PLD5: variants seen among roughly 807,000 people sequenced by gnomAD.
The protein encoded by PLD5 is inactive phospholipase D5.
A neutral mutation model predicts 61.1 loss-of-function variants in PLD5; 36 were observed. The ratio of observed to expected loss-of-function variants is 0.59; its 90% confidence interval spans 0.45 to 0.78. PLD5 has a LOEUF of 0.78. Ranked by LOEUF, PLD5 falls within the 30% of genes least tolerant of loss-of-function variation. The probability of loss-of-function intolerance (pLI) is 0.00; values close to 1 mark genes in which losing one functional copy is unlikely to be tolerated. For missense variants in PLD5, 515 were observed against 644.4 expected (o/e 0.80, Z 2.17); for synonymous variants, 243 against 242.8 (o/e 1.00, Z -0.01).
Position 242,259,368 on chromosome 1 carries a change from G to A in PLD5, c.607+5969C>T, listed in dbSNP as rs74806131. ...TTTTAAAAAGGATGAAAAAGAGCTTGTAAATTGACAAGGGAAACACATAAG... is the reference window on the plus strand; with the variant it reads ...TTTTAAAAAGGATGAAAAAGAGCTTATAAATTGACAAGGGAAACACATAAG... On this transcript the variant is annotated intron_variant, in intron 4 of 9. Transcript: ENST00000536534. 7.8e-3 allele frequency among the ~76,000 whole-genome samples: 1,182 copies of A among 152,198 alleles called. 23 individuals are homozygous for A. Among genetic ancestry groups the A allele is most frequent in the African/African-American group, 0.027 (1,137 of 41,548 alleles).
At chr1:242,273,302 A>G (rs1421527466) in intron 3 of PLD5, among the ~76,000 whole-genome samples, 1 of 152,054 alleles carries the variant, frequency 6.6e-6, no homozygotes, top group African/African-American at 2.4e-5. Context: ...TATATGTGCC[A>G]TATTTTCTTT....
At chr1:242,491,393 G>A (rs545594618) in intron 1 of PLD5, among the ~76,000 whole-genome samples, 21 of 152,038 alleles carry the variant, frequency 1.4e-4, no homozygotes, top group Admixed American at 5.9e-4. Flanking sequence ...GTGCATGTGC[G>A]CACACACACA....
intron 1 of PLD5, among the ~76,000 whole-genome samples, chr1:242,419,933 T>C (rs1265357209): frequency 2.0e-5 from 3 of 152,198 alleles, no homozygotes; most frequent in Non-Finnish European, 4.4e-5. Context: ...AGGGATGTTC[T>C]GATGATAAAA....
chr1:242,181,734 C>G (rs550242847), intron 5 of PLD5, among the ~76,000 whole-genome samples: 1 of 152,010 alleles, frequency 6.6e-6, no homozygotes, highest in African/African-American at 2.4e-5. Flanking sequence ...GAGATCTCGG[C>G]TCACTGCAAC....
intron 5 of PLD5, among the ~76,000 whole-genome samples, chr1:242,146,307 A>C (rs1002271465): frequency 4.6e-5 from 7 of 152,206 alleles, no homozygotes; most frequent in African/African-American, 1.4e-4. Context: ...CCTGATTCCA[A>C]ATGACCTTTT....
chr1:242,343,027 T>C (rs550110991), intron 2 of PLD5, among the ~76,000 whole-genome samples: 4 of 152,082 alleles, frequency 2.6e-5, no homozygotes, highest in African/African-American at 7.2e-5. Context: ...AAACATTGAG[T>C]GGGCAGAATG....
intron 1 of PLD5, among the ~76,000 whole-genome samples, chr1:242,515,968 A>T (rs1030287413): frequency 6.6e-6 from 1 of 152,120 alleles, no homozygotes; most frequent in Non-Finnish European, 1.5e-5. Context: ...GGTCACTGTC[A>T]ATTATTTTAT....
At chr1:242,293,075 A>G (rs1675459772) in intron 2 of PLD5, among the ~76,000 whole-genome samples, 1 of 152,136 alleles carries the variant, frequency 6.6e-6, no homozygotes, top group Admixed American at 6.6e-5. Context: ...ACACATTCTT[A>G]TAAGATTTTA....
chr1:242,303,243 T>C (rs1676163547), intron 2 of PLD5, among the ~76,000 whole-genome samples: 1 of 152,210 alleles, frequency 6.6e-6, no homozygotes. Context: ...ATGCTGGCAA[T>C]GATAGTCAAT....
At chr1:242,348,782 C>G (rs184456187) in intron 1 of PLD5, among the ~76,000 whole-genome samples, 1 of 152,082 alleles carries the variant, frequency 6.6e-6, no homozygotes, top group African/African-American at 2.4e-5. Flanking sequence ...AGGCCGGGCG[C>G]GGTGGCTCAT....
chr1:242,166,084 C>T (rs1341956774), intron 5 of PLD5, among the ~76,000 whole-genome samples: 1 of 152,158 alleles, frequency 6.6e-6, no homozygotes, highest in African/African-American at 2.4e-5. Context: ...ATTGAATTTG[C>T]ACCATCTGAA....
Position 242,084,711 on chromosome 1 carries a change from T to TAA in PLD5, c.*5141_*5142dup, listed in dbSNP as rs961486410. On this transcript the variant is annotated 3_prime_UTR_variant, in exon 10 of 10. Coordinates refer to ENST00000536534, the MANE Select transcript of PLD5 (RefSeq NM_001372062.1). ...CTCTATGATTGTTTCTTTTTCTCAC[T>TAA]AAAAATTAATGTACTCAGAATGAAC... 3 of 143,656 alleles carry TAA rather than the reference T, an allele frequency of 2.1e-5. No individual in the cohort carries two copies. The highest frequency in any genetic ancestry group is 1.4e-4 in the Admixed American group (2 of 14,268). 8.9% of individuals were successfully genotyped at this position (143,656 alleles called of 1,614,324 possible).
chr1:242,227,628 T>G (rs1671033790), intron 4 of PLD5, among the ~76,000 whole-genome samples: 1 of 152,122 alleles, frequency 6.6e-6, no homozygotes, highest in African/African-American at 2.4e-5. Flanking sequence ...CCTCCCAAAG[T>G]GTTGGGATTA....
intron 4 of PLD5, among the ~76,000 whole-genome samples, chr1:242,233,348 G>T (rs1017407259): frequency 6.6e-6 from 1 of 152,114 alleles, no homozygotes; most frequent in Non-Finnish European, 1.5e-5. Flanking sequence ...TGAGACCCAG[G>T]GTTTTAAGTT....
chr1:242,488,821 T>G (rs1250061530), intron 1 of PLD5, among the ~76,000 whole-genome samples: 1 of 152,170 alleles, frequency 6.6e-6, no homozygotes, highest in East Asian at 1.9e-4. Flanking sequence ...TAAGGGAAGC[T>G]GTCAGGGAAG....
chr1:242,133,013 T>TCCCCCCTCTCTTCCCACC (rs1300449083), intron 5 of PLD5, among the ~76,000 whole-genome samples: 1 of 98,482 alleles, frequency 1.0e-5, no homozygotes, highest in African/African-American at 3.7e-5. Flanking sequence ...CCCCTCCCAC[T>TCCCCCCTCTCTTCCCACC]CCCCCCTCTC....
chr1:242,477,008 G>A (rs1667615832), intron 1 of PLD5, among the ~76,000 whole-genome samples: 1 of 152,180 alleles, frequency 6.6e-6, no homozygotes, highest in Admixed American at 6.5e-5. Context: ...CCAATACTTT[G>A]GGAGGCCGAG....
At chr1:242,172,052 T>G (rs1371490129) in intron 5 of PLD5, among the ~76,000 whole-genome samples, 1 of 152,170 alleles carries the variant, frequency 6.6e-6, no homozygotes, top group Non-Finnish European at 1.5e-5. Context: ...TCTACAGAAC[T>G]CTCCACCCCA....
At chr1:242,144,949 AAG>A (rs1664444306) in intron 5 of PLD5, among the ~76,000 whole-genome samples, 1 of 151,910 alleles carries the variant, frequency 6.6e-6, no homozygotes, top group Non-Finnish European at 1.5e-5. Context: ...TGATAGTAGA[AAG>A]AGTAAACAAG....
Sources: gnomAD v4.1 joint callset for allele counts (sites outside exome capture counted in the v4.1 genomes callset) on GRCh38, gnomAD v4.1.1 for gene constraint, MANE v1.5 for transcripts, NCBI Gene and HGNC (gene_info 2026-07-23, HGNC 2026-07-21) for gene names.